Variants in CLTCL1 observed in about 807,000 individuals in gnomAD.
The protein encoded by CLTCL1 is clathrin heavy chain 2.
In CLTCL1, 159 loss-of-function variants were observed where a neutral mutation model predicts 190.0. The observed-to-expected ratio is 0.84, with a 90% CI of 0.74 to 0.95. CLTCL1 has a LOEUF of 0.95. Among genes scored for constraint, CLTCL1 ranks in the 40% least tolerant of loss-of-function variants. The pLI is 0.00. For missense variants in CLTCL1, 1,878 were observed against 2,033.4 expected (o/e 0.92, Z 1.47); for synonymous variants, 752 against 769.6 (o/e 0.98, Z 0.38).
intron 29 of CLTCL1, 97 bp downstream of exon 29, chr22:19,187,461 A>G (rs2084349998): frequency 9.5e-6 from 12 of 1,268,672 alleles, no homozygotes; most frequent in Non-Finnish European, 9.9e-6. Context: ...GCTCAGAGCC[A>G]GGTCTCAGGA....
Position 19,258,236 on chromosome 22 carries a change from C to T in CLTCL1, c.251-4009G>A, listed in dbSNP as rs1601670950. On this transcript the variant is annotated intron_variant, in intron 2 of 32. Coordinates refer to ENST00000427926, the MANE Select transcript of CLTCL1 (RefSeq NM_007098.4). ...TGGGTTGACTGTGGAGGCAGATGTC[C>T]AAATATCAGGACCTTGGCAAGATCA... 1.5e-5 allele frequency: 5 copies of T among 339,850 alleles called. No homozygotes were observed. The East Asian group carries it at 3.7e-4, about 25-fold the overall frequency. 21.1% of individuals were successfully genotyped at this position (339,850 alleles called of 1,614,324 possible).
rs807547 is a variant in CLTCL1, at chr22:19,208,170, T to C, written c.3584A>G (p.Asn1195Ser). ...ATGGCCTACCTGCTGGATGTGGGCA[T>C]TGTTGGGTCCATTAATAAAATCTTC... The part of the protein sequence containing the change: ...ELEDFINGPN[N>S]AHIQQVGDRC... The change falls in exon 22 of 33, where the codon AAT becomes AGT. Residue 1195 changes from asparagine to serine, a missense_variant. Transcript: ENST00000427926. The C allele has an allele frequency of 0.066, 105,715 of 1,613,788 alleles. 3,704 individuals are homozygous for C. Among genetic ancestry groups the C allele is most frequent in the Middle Eastern group, 0.11 (651 of 6,058 alleles).
chr22:19,208,894 G>A (rs926930447), intron 21 of CLTCL1, 28 bp downstream of exon 21: 1 of 1,547,520 alleles, frequency 6.5e-7, no homozygotes, highest in Admixed American at 1.9e-5. Flanking sequence ...GTGAGATGCA[G>A]AGCCCTAGGG....
intron 4 of CLTCL1, among the ~76,000 whole-genome samples, chr22:19,240,776 T>C (rs782513036): frequency 4.6e-5 from 7 of 152,070 alleles, no homozygotes; most frequent in Non-Finnish European, 1.0e-4. Flanking sequence ...GACGAGAGAA[T>C]AGAATGGGGC....
At chr22:19,276,787 A>G (rs1160695409) in intron 1 of CLTCL1, among the ~76,000 whole-genome samples, 1 of 152,038 alleles carries the variant, frequency 6.6e-6, no homozygotes, top group Non-Finnish European at 1.5e-5. Context: ...CTCCTGCCTC[A>G]GCCTCCCAAG....
Position 19,225,464 on chromosome 22 carries a change from T to C in CLTCL1, c.2117A>G (p.Lys706Arg), listed in dbSNP as rs1555955267. The change falls in exon 13 of 33, where the codon AAG becomes AGG. Residue 706 changes from lysine to arginine, a missense_variant. Transcript: ENST00000427926. ...GCTGCATGGTTTACCTTTGTAACTC[T>C]TGAAGGATTCAAAGAGCTCCACCAG... Reference protein sequence around the residue: ...QALVELFESFKSYKGLFYFLG... With the variant: ...QALVELFESFRSYKGLFYFLG... The C allele has an allele frequency of 4.4e-6, 7 of 1,582,598 alleles. No individual in the cohort carries two copies. The highest frequency in any genetic ancestry group is 2.3e-5 in the South Asian group (2 of 86,784).
chr22:19,192,876 C>G (rs1203088745), intron 26 of CLTCL1, among the ~76,000 whole-genome samples: 2 of 152,180 alleles, frequency 1.3e-5, no homozygotes, highest in Non-Finnish European at 2.9e-5. Flanking sequence ...CACTGTGGGT[C>G]CACTCCTATT....
At chr22:19,184,513 G>A (rs1326692812) in intron 29 of CLTCL1, 3 of 455,894 alleles carry the variant, frequency 6.6e-6, no homozygotes, top group Admixed American at 2.4e-5. Flanking sequence ...CTCATCGATC[G>A]CTGCCTCCTG....
intron 9 of CLTCL1, 68 bp downstream of exon 9, chr22:19,233,098 T>G: frequency 6.5e-7 from 1 of 1,527,046 alleles, no homozygotes. Context: ...TTTATAAACT[T>G]TAAAATCAGC....
intron 4 of CLTCL1, 133 bp from the exon 5 acceptor site, chr22:19,239,521 A>G: frequency 1.4e-6 from 1 of 712,914 alleles, no homozygotes; most frequent in Admixed American, 2.1e-5. Flanking sequence ...ATTCAACCAA[A>G]GCAGAACAAC....
chr22:19,235,690 A>G lies in CLTCL1; in HGVS notation c.969+6T>C. Reference sequence around the variant, plus strand: ...AGGTAGAAAATGAAATGTCAGAGTTACACACCTGTCCCTTTTTGTTGACAC... The same window carrying G: ...AGGTAGAAAATGAAATGTCAGAGTTGCACACCTGTCCCTTTTTGTTGACAC... On this transcript the variant is annotated splice_donor_region_variant and intron_variant, in intron 6 of 32. Coordinates refer to ENST00000427926, the MANE Select transcript of CLTCL1 (RefSeq NM_007098.4). 6.2e-7 allele frequency: 1 copy of G among 1,610,690 alleles called. No homozygotes were observed. The highest frequency in any genetic ancestry group is 8.5e-7 in the Non-Finnish European group (1 of 1,178,300).
chr22:19,259,872 C>G (rs1569233795), intron 2 of CLTCL1, among the ~76,000 whole-genome samples: 1 of 152,196 alleles, frequency 6.6e-6, no homozygotes, highest in Non-Finnish European at 1.5e-5. Flanking sequence ...TGTCAAAAGC[C>G]AAGGCAGACT....
At chr22:19,279,158 G>A (rs2087618369) in intron 1 of CLTCL1, among the ~76,000 whole-genome samples, 3 of 151,970 alleles carry the variant, frequency 2.0e-5, no homozygotes, top group Admixed American at 2.0e-4. Context: ...ATTTATTTGA[G>A]ACAGTCTCGC....
chr22:19,260,844 G>A lies in CLTCL1; in HGVS notation c.251-6617C>T, dbSNP rs912237970. ...CTCCTCTGCCTGTGTTCTATGAATG[G>A]AAAAACAAGAGTCGTGATGATAGTA... On this transcript the variant is annotated intron_variant, in intron 2 of 32. Coordinates refer to ENST00000427926, the MANE Select transcript of CLTCL1 (RefSeq NM_007098.4). Among the ~76,000 whole-genome samples the A allele has an allele frequency of 2.0e-5, 3 of 147,940 alleles. No homozygotes were observed. In the Admixed American group the frequency reaches 2.0e-4, roughly 10 times the overall value.
intron 18 of CLTCL1, among the ~76,000 whole-genome samples, chr22:19,218,363 T>C (rs1395510873): frequency 1.3e-5 from 2 of 152,206 alleles, no homozygotes; most frequent in Non-Finnish European, 2.9e-5. Flanking sequence ...TAGATTTGGA[T>C]GGGTAAGTCC....
At chr22:19,232,679 T>TA in intron 9 of CLTCL1, 81 bp from the exon 10 acceptor site, 1 of 1,506,852 alleles carries the variant, frequency 6.6e-7, no homozygotes, top group South Asian at 1.2e-5. Flanking sequence ...TCCTTTGTTT[T>TA]AAACTCGTGT....
chr22:19,219,766 G>T, intron 18 of CLTCL1, 119 bp downstream of exon 18: 1 of 1,438,516 alleles, frequency 7.0e-7, no homozygotes, highest in Non-Finnish European at 9.5e-7. Flanking sequence ...CATTACAGGC[G>T]TGAGCCACTG....
Position 19,279,092 on chromosome 22 carries a change from T to C in CLTCL1, c.43-3262A>G, listed in dbSNP as rs369738042. Among the ~76,000 whole-genome samples, 24 of 152,026 alleles carry C rather than the reference T, an allele frequency of 1.6e-4. No individual in the cohort carries two copies. In the South Asian group the frequency reaches 1.9e-3, roughly 12 times the overall value. The stretch of plus-strand genomic sequence containing the variant: ...CAATTAATAGAAAAATCCTGAAAAA[T>C]AGAATAATATAAATGCCCTAGAAGT... On this transcript the variant is annotated intron_variant, in intron 1 of 32. Transcript: ENST00000427926.
chr22:19,275,518 T>C (rs564063610), intron 2 of CLTCL1, 105 bp downstream of exon 2: 3 of 1,215,948 alleles, frequency 2.5e-6, no homozygotes, highest in East Asian at 2.6e-5. Flanking sequence ...GGAATACTAT[T>C]GAGGAGCACT....
Sources: allele counts gnomAD v4.1 joint callset (sites outside exome capture counted in the v4.1 genomes callset), GRCh38; gene constraint gnomAD v4.1.1; transcripts MANE v1.5; gene names NCBI Gene and HGNC (gene_info 2026-07-23, HGNC 2026-07-21).